Variants in CDCP1 observed in about 807,000 individuals in gnomAD.
CDCP1 encodes the protein CUB domain-containing protein 1.
In CDCP1, 29 loss-of-function variants were observed where a neutral mutation model predicts 60.2. The observed-to-expected ratio is 0.48, with a 90% confidence interval of 0.36 to 0.66. The LOEUF is 0.66. Ranked by LOEUF, CDCP1 falls within the 30% of genes least tolerant of loss-of-function variation. The pLI is 0.00. For missense variants in CDCP1, 876 were observed against 1,074.3 expected (o/e 0.82, Z 2.58); for synonymous variants, 387 against 431.1 (o/e 0.90, Z 1.27).
chr3:45,126,112 T>TTC (rs1553610973), intron 1 of CDCP1, among the ~76,000 whole-genome samples: 40 of 63,088 alleles, frequency 6.3e-4, no homozygotes, highest in African/African-American at 2.5e-3. Context: ...CTCTCTCTCT[T>TTC]TCTTTCTTTC....
At chr3:45,097,819 A>G (rs925043825) in intron 4 of CDCP1, among the ~76,000 whole-genome samples, 2 of 152,172 alleles carry the variant, frequency 1.3e-5, no homozygotes, top group Non-Finnish European at 2.9e-5. Flanking sequence ...CTTGCTGTCT[A>G]TTTTCCACGT....
chr3:45,110,181 A>C, intron 4 of CDCP1: 1 of 1,253,740 alleles, frequency 8.0e-7, no homozygotes, highest in Non-Finnish European at 1.0e-6. Flanking sequence ...TGCAGGGTCA[A>C]GACATAAGAT....
intron 1 of CDCP1, among the ~76,000 whole-genome samples, chr3:45,136,379 T>A (rs1699190647): frequency 6.6e-6 from 1 of 152,210 alleles, no homozygotes; most frequent in Non-Finnish European, 1.5e-5. Flanking sequence ...GAGCTATTGC[T>A]AAGGAAGAAG....
intron 4 of CDCP1, among the ~76,000 whole-genome samples, chr3:45,108,888 C>CATAT (rs369846391): frequency 3.1e-5 from 1 of 32,474 alleles, no homozygotes. Flanking sequence ...TGCATGTATA[C>CATAT]ATATATATAT....
intron 1 of CDCP1, among the ~76,000 whole-genome samples, chr3:45,132,590 G>GT (rs11456192): frequency 0.91 from 138,868 of 152,262 alleles, 64,143 homozygotes; most frequent in East Asian, 1. Context: ...AATACTCCCT[G>GT]CTTCTGTGCC....
chr3:45,119,503 T>C lies in CDCP1; in HGVS notation c.83-882A>G, dbSNP rs146966384. ...AACAGCAGATGATGGGAAGATCGTC[T>C]GTAGGTAAATCCTGTGGAGGGAGCC... On this transcript the variant is annotated intron_variant, in intron 1 of 8. Coordinates refer to ENST00000296129, the MANE Select transcript of CDCP1 (RefSeq NM_022842.5). Among the ~76,000 whole-genome samples, 408 of 152,330 alleles carry C rather than the reference T, an allele frequency of 2.7e-3. 2 individuals carry two copies. Among genetic ancestry groups the C allele is most frequent in the South Asian group, 0.016 (76 of 4,830 alleles).
chr3:45,138,588 A>G (rs1293481825), intron 1 of CDCP1, among the ~76,000 whole-genome samples: 1 of 152,264 alleles, frequency 6.6e-6, no homozygotes, highest in East Asian at 1.9e-4. Context: ...CATTCCTTTA[A>G]TCCCGGCACT....
chr3:45,108,834 T>TATATATGCATGTATAC, intron 4 of CDCP1, among the ~76,000 whole-genome samples: 1 of 67,988 alleles, frequency 1.5e-5, no homozygotes, highest in South Asian at 6.5e-4. Context: ...TGCATGTATA[T>TATATATGCATGTATAC]ATATATATGC....
chr3:45,097,105 G>A (rs1405545316), intron 4 of CDCP1, among the ~76,000 whole-genome samples: 2 of 151,974 alleles, frequency 1.3e-5, no homozygotes, highest in African/African-American at 4.8e-5. Context: ...GTCAGGAGTT[G>A]CAGACCAGTC....
In CDCP1 at chr3:45,093,316, T is replaced by TGG. The variant is rs760190351; in HGVS notation, c.1586_1587dup (p.Arg530ProfsTer5). 2 of 1,614,198 alleles carry TGG rather than the reference T, an allele frequency of 1.2e-6. No individual in the cohort carries two copies. Among genetic ancestry groups the TGG allele is most frequent in the South Asian group, 2.2e-5 (2 of 91,080 alleles). ...ATAAAGGACACCGTCAGACCCTGCCTGGAGGCCTCTTGTTGGAAGCTGGGG... is the reference window on the plus strand; with the variant it reads ...ATAAAGGACACCGTCAGACCCTGCCTGGGGAGGCCTCTTGTTGGAAGCTGGGG... On this transcript the variant is annotated frameshift_variant, in exon 6 of 9. Transcript: ENST00000296129. LOFTEE classifies it high-confidence loss of function.
chr3:45,116,756 G>C (rs1324478621), intron 2 of CDCP1, among the ~76,000 whole-genome samples: 1 of 150,280 alleles, frequency 6.7e-6, no homozygotes, highest in African/African-American at 2.5e-5. Flanking sequence ...GTTCTCCCCT[G>C]TCTCGGGCAT....
intron 1 of CDCP1, among the ~76,000 whole-genome samples, chr3:45,143,650 TG>T (rs1192481141): frequency 6.6e-6 from 1 of 152,262 alleles, no homozygotes; most frequent in Non-Finnish European, 1.5e-5. Flanking sequence ...AATAACTATA[TG>T]CTACTTAAAA....
chr3:45,083,935 AAG>A lies in CDCP1; in HGVS notation c.*1701_*1702del, dbSNP rs1385663027. 1 of 151,956 alleles carries A rather than the reference AAG, an allele frequency of 6.6e-6. No individual in the cohort carries two copies. The highest frequency in any genetic ancestry group is 1.5e-5 in the Non-Finnish European group (1 of 68,004). The allele number at this position is 151,956 out of a possible 1,614,324, so 9.4% of individuals were successfully genotyped here. On this transcript the variant is annotated 3_prime_UTR_variant, in exon 9 of 9. Transcript: ENST00000296129. ...CATTAAAAAAAAAAAGAAAAAGAAAAAGAAAAAAAAGAAAAAGGGTAATGTGA... is the reference window on the plus strand; with the variant it reads ...CATTAAAAAAAAAAAGAAAAAGAAAAAAAAAAAAGAAAAAGGGTAATGTGA...
chr3:45,138,606 G>A lies in CDCP1; in HGVS notation c.82+7600C>T, dbSNP rs55981849. On this transcript the variant is annotated intron_variant, in intron 1 of 8. Transcript: ENST00000296129. Reference sequence around the variant, plus strand: ...TCCTTTAATCCCGGCACTTTGGGAGGCTGAGGCCGAGGCGGGTGGATCACC... The same window carrying A: ...TCCTTTAATCCCGGCACTTTGGGAGACTGAGGCCGAGGCGGGTGGATCACC... Among the ~76,000 whole-genome samples, 881 of 152,306 alleles carry A rather than the reference G, an allele frequency of 5.8e-3. 11 individuals carry two copies. The highest frequency in any genetic ancestry group is 0.018 in the African/African-American group (742 of 41,568).
chr3:45,093,332 G>A lies in CDCP1; in HGVS notation c.1572C>T (p.Phe524=). 5 of 1,614,202 alleles carry A rather than the reference G, an allele frequency of 3.1e-6. No individual in the cohort carries two copies. The highest frequency in any genetic ancestry group is 4.2e-6 in the Non-Finnish European group (5 of 1,180,042). ...SVTLRTFAPS[F]QQEASRQGLT... Reference sequence around the variant, plus strand: ...GACCCTGCCTGGAGGCCTCTTGTTGGAAGCTGGGGGCAAAGGTGCGAAGGG... The same window carrying A: ...GACCCTGCCTGGAGGCCTCTTGTTGAAAGCTGGGGGCAAAGGTGCGAAGGG... The change falls in exon 6 of 9, where the codon TTC becomes TTT. Residue 524 remains phenylalanine (F), a synonymous_variant. Transcript: ENST00000296129.
chr3:45,130,359 G>A (rs947468648), intron 1 of CDCP1, among the ~76,000 whole-genome samples: 1 of 152,026 alleles, frequency 6.6e-6, no homozygotes, highest in Non-Finnish European at 1.5e-5. Flanking sequence ...GGGCTCAAGC[G>A]ATCCTCCTGC....
At chr3:45,143,613 G>C (rs951187516) in intron 1 of CDCP1, among the ~76,000 whole-genome samples, 1 of 152,098 alleles carries the variant, frequency 6.6e-6, no homozygotes, top group Admixed American at 6.5e-5. Context: ...TTTCCATTTT[G>C]GTTATATTTA....
Sources: allele counts gnomAD v4.1 joint callset (sites outside exome capture counted in the v4.1 genomes callset), GRCh38; gene constraint gnomAD v4.1.1; transcripts MANE v1.5; gene names NCBI Gene and HGNC (gene_info 2026-07-23, HGNC 2026-07-21).